The following SGCD variants were observed in gnomAD, a reference collection of about 807,000 sequenced individuals.
The protein encoded by SGCD is delta-sarcoglycan.
A neutral mutation model predicts 36.6 loss-of-function variants in SGCD; 18 were observed. That is an observed-to-expected ratio of 0.49 (90% confidence interval 0.34 to 0.73). The LOEUF is 0.73. Among genes scored for constraint, SGCD ranks in the 30% least tolerant of loss-of-function variants. The probability of loss-of-function intolerance (pLI) is 0.01; values close to 1 mark genes in which losing one functional copy is unlikely to be tolerated. For synonymous variants in SGCD, 133 were observed against 130.6 expected (o/e 1.02, Z -0.12); for missense variants, 387 against 346.7 (o/e 1.12, Z -0.92).
intron 3 of SGCD, among the ~76,000 whole-genome samples, chr5:156,158,182 C>G (rs1019217101): frequency 7.9e-5 from 12 of 151,348 alleles, no homozygotes; most frequent in Non-Finnish European, 1.8e-4. Context: ...ACACTGTGGT[C>G]CACCATTTCC....
intron 4 of SGCD, among the ~76,000 whole-genome samples, chr5:156,529,813 A>G (rs1366781627): frequency 6.6e-6 from 1 of 152,230 alleles, no homozygotes; most frequent in Non-Finnish European, 1.5e-5. Flanking sequence ...GCAGCACTCT[A>G]TAAATTATTA....
intron 3 of SGCD, among the ~76,000 whole-genome samples, chr5:156,356,849 C>A (rs568158544): frequency 6.6e-6 from 1 of 152,142 alleles, no homozygotes; most frequent in African/African-American, 2.4e-5. Flanking sequence ...AAATTTGACA[C>A]AGAAGAGGAG....
intron 3 of SGCD, among the ~76,000 whole-genome samples, chr5:156,224,668 G>T (rs1373252364): frequency 6.6e-6 from 1 of 152,054 alleles, no homozygotes; most frequent in African/African-American, 2.4e-5. Flanking sequence ...GTTTTAAAAA[G>T]ACTTCAGCTC....
At chr5:156,282,262 C>A (rs1164342631) in intron 3 of SGCD, among the ~76,000 whole-genome samples, 1 of 152,144 alleles carries the variant, frequency 6.6e-6, no homozygotes, top group Non-Finnish European at 1.5e-5. Context: ...AAAGCAGAAG[C>A]AACAGATACC....
upstream of SGCD, among the ~76,000 whole-genome samples, chr5:156,325,725 T>G (rs1169477976): frequency 1.3e-5 from 2 of 152,190 alleles, no homozygotes; most frequent in Non-Finnish European, 2.9e-5. Context: ...GGCCTCTACT[T>G]CCCTCTGTAA....
intron 2 of SGCD, among the ~76,000 whole-genome samples, chr5:156,334,327 C>T (rs1049918101): frequency 1.3e-5 from 2 of 152,186 alleles, no homozygotes; most frequent in Admixed American, 6.5e-5. Context: ...GGGGTAGATA[C>T]AGCATCCTTT....
chr5:156,709,836 C>T (rs1754906541), intron 7 of SGCD, among the ~76,000 whole-genome samples: 1 of 151,552 alleles, frequency 6.6e-6, no homozygotes, highest in Non-Finnish European at 1.5e-5. Context: ...CGCCCCCTCC[C>T]CCCCGACGCC....
intron 3 of SGCD, among the ~76,000 whole-genome samples, chr5:156,479,343 G>A (rs528486562): frequency 6.5e-4 from 99 of 151,740 alleles, no homozygotes; most frequent in African/African-American, 2.1e-3. Flanking sequence ...TGATCCAGCC[G>A]CCTCGGCCTC....
At chr5:155,783,342 C>A in the SGCD span, among the ~76,000 whole-genome samples, 1 of 152,000 alleles carries the variant, frequency 6.6e-6, no homozygotes, top group Non-Finnish European at 1.5e-5. Context: ...GTGATACAGA[C>A]CTAAAATATA....
chr5:156,679,645 G>T (rs1235379605), intron 7 of SGCD, among the ~76,000 whole-genome samples: 1 of 152,096 alleles, frequency 6.6e-6, no homozygotes, highest in Non-Finnish European at 1.5e-5. Context: ...GATGTGCACA[G>T]ATTTTACTAA....
At chr5:156,555,027 A>G (rs1417503504) in intron 4 of SGCD, among the ~76,000 whole-genome samples, 7 of 152,048 alleles carry the variant, frequency 4.6e-5, no homozygotes, top group Non-Finnish European at 8.8e-5. Context: ...CCATTTGTAT[A>G]TCTTCTTTGA....
intron 3 of SGCD, among the ~76,000 whole-genome samples, chr5:156,171,948 A>G (rs1763355761): frequency 6.6e-6 from 1 of 152,228 alleles, no homozygotes; most frequent in Non-Finnish European, 1.5e-5. Context: ...TCTGTACTGT[A>G]CTGGTGAGGA....
At chr5:156,293,745 A>G (rs972298584) in intron 3 of SGCD, among the ~76,000 whole-genome samples, 2 of 152,130 alleles carry the variant, frequency 1.3e-5, no homozygotes, top group African/African-American at 4.8e-5. Context: ...ATCAGGACAT[A>G]TGAGTCCTTT....
intron 1 of SGCD, among the ~76,000 whole-genome samples, chr5:156,039,788 A>T (rs1041330117): frequency 2.8e-4 from 42 of 152,166 alleles, no homozygotes; most frequent in Admixed American, 2.0e-3. Flanking sequence ...AGAGAAAGAG[A>T]AGTAACATAT....
chr5:156,337,008 A>G (rs928962203), intron 2 of SGCD, among the ~76,000 whole-genome samples: 1 of 152,330 alleles, frequency 6.6e-6, no homozygotes, highest in South Asian at 2.1e-4. Flanking sequence ...TTGTTACATC[A>G]AAACTAAAAG....
At chr5:156,393,380 T>G (rs1377002613) in intron 3 of SGCD, among the ~76,000 whole-genome samples, 2 of 152,120 alleles carry the variant, frequency 1.3e-5, no homozygotes, top group Non-Finnish European at 2.9e-5. Context: ...TTCAAGAATT[T>G]TACCAATAAG....
At chr5:156,379,991 C>T (rs1770888660) in intron 3 of SGCD, among the ~76,000 whole-genome samples, 1 of 152,092 alleles carries the variant, frequency 6.6e-6, no homozygotes, top group Non-Finnish European at 1.5e-5. Context: ...GCATTATTTT[C>T]CTGTGTTCGA....
intron 3 of SGCD, among the ~76,000 whole-genome samples, chr5:156,472,310 T>C (rs1755006709): frequency 1.3e-5 from 2 of 152,220 alleles, no homozygotes; most frequent in Admixed American, 6.5e-5. Context: ...TTTTTCATAA[T>C]AGCTGAAAAA....
chr5:156,212,948 CAA>C (rs1182912186), intron 3 of SGCD, among the ~76,000 whole-genome samples: 1 of 151,770 alleles, frequency 6.6e-6, no homozygotes, highest in Non-Finnish European at 1.5e-5. Flanking sequence ...TATCTTGACA[CAA>C]ATATAAATAT....
Sources: gnomAD v4.1 joint callset for allele counts (sites outside exome capture counted in the v4.1 genomes callset) on GRCh38, gnomAD v4.1.1 for gene constraint, MANE v1.5 for transcripts, NCBI Gene and HGNC (gene_info 2026-07-23, HGNC 2026-07-21) for gene names.